The following ERC1 variants were observed in gnomAD, a reference collection of about 807,000 sequenced individuals.
The protein encoded by ERC1 is ELKS/RAB6-interacting/CAST family member 1, also known as RAB6 interacting protein 2.
ERC1 carries 56 observed loss-of-function variants against 132.0 expected under a neutral mutation model. That is an observed-to-expected ratio of 0.42 (90% confidence interval 0.34 to 0.53). The LOEUF is 0.53. Ranked by LOEUF, ERC1 falls within the 20% of genes least tolerant of loss-of-function variation. The probability of loss-of-function intolerance (pLI) is 0.03; values close to 1 mark genes in which losing one functional copy is unlikely to be tolerated. For synonymous variants in ERC1, 478 were observed against 476.1 expected, an observed-to-expected ratio of 1.00 and a Z score of -0.05; for missense variants, 1,202 against 1,349.9, an observed-to-expected ratio of 0.89 and a Z score of 1.72.
At chr12:996,445 AG>A (rs1960927474) in intron 1 of ERC1, among the ~76,000 whole-genome samples, 1 of 151,500 alleles carries the variant, frequency 6.6e-6, no homozygotes, top group Admixed American at 6.6e-5. Flanking sequence ...AGCCAGGCAC[AG>A]TGTCACATGC....
intron 18 of ERC1, chr12:1,445,135 A>G (rs2093269069): frequency 6.1e-6 from 1 of 163,590 alleles, no homozygotes; most frequent in African/African-American, 2.4e-5. Flanking sequence ...CATACTTTCC[A>G]TTTTTGTGTG....
chr12:1,479,706 T>C (rs1488481155), intron 18 of ERC1, among the ~76,000 whole-genome samples: 1 of 151,724 alleles, frequency 6.6e-6, no homozygotes, highest in African/African-American at 2.4e-5. Flanking sequence ...AAGGGAGGGG[T>C]TGGAAACAGA....
intron 1 of ERC1, among the ~76,000 whole-genome samples, chr12:1,002,013 A>G (rs1475893016): frequency 2.6e-5 from 4 of 151,702 alleles, no homozygotes; most frequent in African/African-American, 7.3e-5. Context: ...GGTGCCCACC[A>G]TCACACCCAG....
Position 1,255,389 on chromosome 12 carries a change from C to T in ERC1, c.2488-7645C>T, listed in dbSNP as rs186594373. Among the ~76,000 whole-genome samples, 493 of 152,020 alleles carry T rather than the reference C, an allele frequency of 3.2e-3. 2 individuals carry two copies. Among genetic ancestry groups the T allele is most frequent in the African/African-American group, 0.011 (454 of 41,448 alleles). Reference sequence around the variant, plus strand: ...GTTCCAAGTCGTTGCTATTGTGAACCGTGCCACAATAAACATTCGTGTGCA... The same window carrying T: ...GTTCCAAGTCGTTGCTATTGTGAACTGTGCCACAATAAACATTCGTGTGCA... On this transcript the variant is annotated intron_variant, in intron 13 of 18. Transcript: ENST00000360905.
intron 15 of ERC1, among the ~76,000 whole-genome samples, chr12:1,352,134 G>A (rs559092765): frequency 6.6e-6 from 1 of 152,168 alleles, no homozygotes; most frequent in African/African-American, 2.4e-5. Flanking sequence ...GACTCTTAGA[G>A]CTCACCAGGC....
chr12:1,140,611 T>A (rs556930702), intron 7 of ERC1, among the ~76,000 whole-genome samples: 55 of 152,288 alleles, frequency 3.6e-4, no homozygotes, highest in African/African-American at 9.6e-4. Flanking sequence ...GAAACATTAT[T>A]CATATTTTCT....
intron 2 of ERC1, among the ~76,000 whole-genome samples, chr12:1,060,424 G>A (rs534761255): frequency 6.6e-6 from 1 of 152,034 alleles, no homozygotes; most frequent in African/African-American, 2.4e-5. Flanking sequence ...AGAACATGCG[G>A]TGTTTGGTTT....
intron 15 of ERC1, among the ~76,000 whole-genome samples, chr12:1,329,006 C>T (rs1342006728): frequency 7.1e-6 from 1 of 139,926 alleles, no homozygotes; most frequent in Non-Finnish European, 1.5e-5. Flanking sequence ...AAAAAAAAGC[C>T]TTAGCGACCA....
intron 15 of ERC1, among the ~76,000 whole-genome samples, chr12:1,296,160 A>G (rs2079916500): frequency 1.3e-5 from 2 of 152,086 alleles, no homozygotes; most frequent in Non-Finnish European, 2.9e-5. Context: ...ACCTGTCTCT[A>G]CAAAAATGTT....
chr12:1,308,263 C>G (rs565511557), intron 15 of ERC1, among the ~76,000 whole-genome samples: 2 of 151,450 alleles, frequency 1.3e-5, no homozygotes, highest in East Asian at 1.9e-4. Context: ...ACTTCACAGG[C>G]AAATTTCCTA....
intron 12 of ERC1, among the ~76,000 whole-genome samples, chr12:1,214,983 A>G (rs1958258122): frequency 6.6e-6 from 1 of 152,190 alleles, no homozygotes; most frequent in Admixed American, 6.5e-5. Context: ...TCCTGTTAGG[A>G]GTCTCCTCAC....
intron 12 of ERC1, among the ~76,000 whole-genome samples, chr12:1,210,675 C>T (rs1415158083): frequency 6.6e-6 from 1 of 152,108 alleles, no homozygotes; most frequent in African/African-American, 2.4e-5. Flanking sequence ...TAGTTGCTGT[C>T]AATGGCTACA....
intron 18 of ERC1, among the ~76,000 whole-genome samples, chr12:1,485,650 A>G (rs1443682567): frequency 6.6e-6 from 1 of 152,066 alleles, no homozygotes; most frequent in East Asian, 1.9e-4. Context: ...TAATACAGTA[A>G]TGTCAATCCT....
intron 15 of ERC1, among the ~76,000 whole-genome samples, chr12:1,364,546 T>G (rs1566685039): frequency 6.6e-6 from 1 of 152,226 alleles, no homozygotes; most frequent in Non-Finnish European, 1.5e-5. Flanking sequence ...CCTGTCCCTG[T>G]AGACACTCTC....
rs549549364 is a variant in ERC1, at chr12:1,276,240, T to C, written c.2619+13075T>C. The stretch of plus-strand genomic sequence containing the variant: ...ATGTTTTTGTTTTTCTTTTTCTTTT[T>C]CTTTTTTTTTTTTTGAGATGGAGTC... On this transcript the variant is annotated intron_variant, in intron 14 of 18. Coordinates refer to ENST00000360905, the MANE Select transcript of ERC1 (RefSeq NM_178040.4). 1.1e-4 allele frequency among the ~76,000 whole-genome samples: 16 copies of C among 144,514 alleles called. No homozygotes were observed. In the South Asian group the frequency reaches 3.4e-3, roughly 31 times the overall value. The allele number at this position is 144,514 out of a possible 152,430, so 94.8% of individuals were successfully genotyped here.
chr12:1,300,724 A>G lies in ERC1; in HGVS notation c.2780+10712A>G, dbSNP rs137875360. Among the ~76,000 whole-genome samples, 679 of 152,330 alleles carry G rather than the reference A, an allele frequency of 4.5e-3. 5 individuals are homozygous for G. The highest frequency in any genetic ancestry group is 0.015 in the African/African-American group (631 of 41,578). ...AAAGCTCAAAGTCACTGATTATTAG[A>G]TAAAATGCAAATCAAAACCACAATG... On this transcript the variant is annotated intron_variant, in intron 15 of 18. Transcript: ENST00000360905.
intron 15 of ERC1, among the ~76,000 whole-genome samples, chr12:1,369,185 T>C (rs1242735874): frequency 6.6e-6 from 1 of 152,220 alleles, no homozygotes; most frequent in African/African-American, 2.4e-5. Flanking sequence ...CCTCAAAACT[T>C]TGAAATTAGA....
chr12:1,043,028 T>TTTTTC (rs201473080), intron 2 of ERC1, among the ~76,000 whole-genome samples: 20 of 149,608 alleles, frequency 1.3e-4, no homozygotes, highest in Middle Eastern at 3.4e-3. Context: ...TTTTTCTTTC[T>TTTTTC]TTTTCTTTTC....
chr12:1,267,580 G>C (rs986082173), intron 14 of ERC1, among the ~76,000 whole-genome samples: 2 of 152,122 alleles, frequency 1.3e-5, no homozygotes, highest in Admixed American at 1.3e-4. Context: ...ACGACAATGC[G>C]AGGCCTCGTC....
Sources: allele counts gnomAD v4.1 joint callset (sites outside exome capture counted in the v4.1 genomes callset), GRCh38; gene constraint gnomAD v4.1.1; transcripts MANE v1.5; gene names NCBI Gene and HGNC (gene_info 2026-07-23, HGNC 2026-07-21).